USP32: variants seen among roughly 807,000 people sequenced by gnomAD.
USP32 encodes ubiquitin carboxyl-terminal hydrolase 32.
A neutral mutation model predicts 204.8 loss-of-function variants in USP32; 59 were observed. The ratio of observed to expected loss-of-function variants is 0.29; its 90% confidence interval spans 0.23 to 0.36. USP32 has a LOEUF of 0.36. Ranked by LOEUF, USP32 falls within the 10% of genes least tolerant of loss-of-function variation. The pLI, the probability that USP32 is intolerant of heterozygous loss-of-function variation, is 1.00. For missense variants in USP32, 1,160 were observed against 1,946.4 expected, an observed-to-expected ratio of 0.60 and a Z score of 7.60; for synonymous variants, 517 against 678.4, an observed-to-expected ratio of 0.76 and a Z score of 3.70.
chr17:60,327,530 C>A (rs2088274159), intron 2 of USP32, among the ~76,000 whole-genome samples: 1 of 150,860 alleles, frequency 6.6e-6, no homozygotes, highest in South Asian at 2.1e-4. Flanking sequence ...GCTGAGCCCG[C>A]CCGCCAGCAG....
chr17:60,355,887 T>TAA (rs58715953), intron 1 of USP32, among the ~76,000 whole-genome samples: 107 of 51,480 alleles, frequency 2.1e-3, no homozygotes, highest in Middle Eastern at 0.013. Flanking sequence ...TGAACCTCTG[T>TAA]AAAAAAAAAA....
intron 19 of USP32, 59 bp downstream of exon 19, chr17:60,211,965 A>G (rs1425464382): frequency 1.1e-5 from 15 of 1,392,580 alleles, no homozygotes; most frequent in Non-Finnish European, 1.5e-5. Flanking sequence ...CAGTTGAGAG[A>G]AGAAAAAAAA....
intron 1 of USP32, among the ~76,000 whole-genome samples, chr17:60,398,106 T>A (rs2089911508): frequency 6.6e-6 from 1 of 152,238 alleles, no homozygotes; most frequent in Non-Finnish European, 1.5e-5. Flanking sequence ...GCTTCGTGCC[T>A]GTAATCCAAG....
intron 1 of USP32, among the ~76,000 whole-genome samples, chr17:60,361,337 A>G (rs1438267896): frequency 6.6e-6 from 1 of 152,204 alleles, no homozygotes; most frequent in Non-Finnish European, 1.5e-5. Context: ...TACAGCGGTT[A>G]GCATATAATA....
intron 2 of USP32, among the ~76,000 whole-genome samples, chr17:60,337,273 T>C (rs1441908979): frequency 1.3e-5 from 2 of 152,200 alleles, no homozygotes; most frequent in African/African-American, 4.8e-5. Flanking sequence ...CAGCTGTTTG[T>C]TTTCACATGT....
At chr17:60,394,311 A>G (rs1268200399), upstream of USP32, among the ~76,000 whole-genome samples, 1 of 152,212 alleles carries the variant, frequency 6.6e-6, no homozygotes, top group African/African-American at 2.4e-5. Context: ...AAAACCCTCA[A>G]GAGTTCAATT....
chr17:60,244,024 A>ATT (rs2085945453), intron 11 of USP32, among the ~76,000 whole-genome samples: 1 of 122,038 alleles, frequency 8.2e-6, no homozygotes, highest in African/African-American at 3.4e-5. Context: ...AAGTAGCTGG[A>ATT]TTGTGTTTTT....
chr17:60,227,039 A>C (rs2085410868), intron 12 of USP32, among the ~76,000 whole-genome samples: 1 of 85,048 alleles, frequency 1.2e-5, no homozygotes, highest in African/African-American at 1.6e-4. Flanking sequence ...CTCTGTCTCA[A>C]AAAAAAAAAA....
intron 12 of USP32, among the ~76,000 whole-genome samples, chr17:60,228,509 T>TC (rs58775538): frequency 0.019 from 2,938 of 151,028 alleles, 71 homozygotes; most frequent in African/African-American, 0.068. Flanking sequence ...TTCTTTTTTT[T>TC]TTTTTTTTTA....
At chr17:60,392,426 C>A (rs916606285), upstream of USP32, 5 of 244,098 alleles carry the variant, frequency 2.0e-5, no homozygotes, top group South Asian at 1.6e-4. Flanking sequence ...CGCGCCCCGC[C>A]CGGGCGCCTC....
At chr17:60,263,228 G>A (rs1289559206) in intron 9 of USP32, among the ~76,000 whole-genome samples, 1 of 152,094 alleles carries the variant, frequency 6.6e-6, no homozygotes, top group African/African-American at 2.4e-5. Context: ...GATTATAGAT[G>A]AGAACTACCA....
chr17:60,316,603 G>A (rs150205652), intron 2 of USP32, among the ~76,000 whole-genome samples: 179 of 152,276 alleles, frequency 1.2e-3, no homozygotes, highest in Non-Finnish European at 2.2e-3. Context: ...CACTTTGGGA[G>A]GCTGAGACAG....
intron 5 of USP32, among the ~76,000 whole-genome samples, chr17:60,275,275 GGT>G (rs1442621205): frequency 1.3e-5 from 2 of 152,106 alleles, no homozygotes; most frequent in Non-Finnish European, 2.9e-5. Context: ...TAGGAAACAT[GGT>G]GAAACGCCAT....
chr17:60,285,044 A>G (rs2087075757), intron 5 of USP32, among the ~76,000 whole-genome samples: 1 of 152,206 alleles, frequency 6.6e-6, no homozygotes, highest in Non-Finnish European at 1.5e-5. Context: ...GTCTTGAATA[A>G]TGTCTTCCTC....
At chr17:60,235,774 C>T (rs895823254) in intron 12 of USP32, among the ~76,000 whole-genome samples, 2 of 152,226 alleles carry the variant, frequency 1.3e-5, no homozygotes, top group African/African-American at 4.8e-5. Context: ...TCATGACATT[C>T]AGGTTACTTT....
At chr17:60,298,403 A>G (rs1055776666) in intron 3 of USP32, among the ~76,000 whole-genome samples, 2 of 152,170 alleles carry the variant, frequency 1.3e-5, no homozygotes, top group African/African-American at 2.4e-5. Context: ...AAATTTATAG[A>G]TATCATAATT....
intron 1 of USP32, among the ~76,000 whole-genome samples, chr17:60,356,979 T>C (rs1334375711): frequency 6.6e-6 from 1 of 152,144 alleles, no homozygotes; most frequent in Non-Finnish European, 1.5e-5. Flanking sequence ...AGATGGATAT[T>C]ATAAAAAGAA....
Position 60,418,027 on chromosome 17 carries a change from C to T in USP32, c.106+4219G>A, listed in dbSNP as rs559058812. On this transcript the variant is annotated intron_variant, in intron 1 of 3. Transcript: ENST00000588898. ...AGGCTGGAGTGCAATGGCACGATCT[C>T]GGCTCACCACAACCTCTGCCTCCCA... 1.9e-3 allele frequency among the ~76,000 whole-genome samples: 284 copies of T among 149,042 alleles called. 5 individuals carry two copies. The highest frequency in any genetic ancestry group is 6.6e-3 in the African/African-American group (264 of 40,138).
intron 9 of USP32, among the ~76,000 whole-genome samples, chr17:60,262,371 T>C (rs911416520): frequency 2.0e-4 from 30 of 152,326 alleles, no homozygotes; most frequent in African/African-American, 6.3e-4. Flanking sequence ...TTTGTATTTT[T>C]AGTAGAGACA....
Sources: allele counts gnomAD v4.1 joint callset (sites outside exome capture counted in the v4.1 genomes callset), GRCh38; gene constraint gnomAD v4.1.1; transcripts MANE v1.5; gene names NCBI Gene and HGNC (gene_info 2026-07-23, HGNC 2026-07-21).